Variants in ZHX2 observed in about 807,000 individuals in gnomAD.
ZHX2 encodes zinc fingers and homeoboxes 2, also known as zinc fingers and homeoboxes protein 2.
A neutral mutation model predicts 21.9 loss-of-function variants in ZHX2; 6 were observed. The ratio of observed to expected loss-of-function variants is 0.27; its 90% CI spans 0.15 to 0.54. ZHX2 has a LOEUF of 0.54. Ranked by LOEUF, ZHX2 falls within the 20% of genes least tolerant of loss-of-function variation. The probability of loss-of-function intolerance (pLI) is 0.95; values close to 1 mark genes in which losing one functional copy is unlikely to be tolerated. For missense variants in ZHX2, 908 were observed against 1,090.7 expected, an observed-to-expected ratio of 0.83 and a Z score of 2.36; for synonymous variants, 434 against 437.1, an observed-to-expected ratio of 0.99 and a Z score of 0.09.
At chr8:122,913,045 G>T (rs1007947017) in intron 2 of ZHX2, among the ~76,000 whole-genome samples, 1 of 152,098 alleles carries the variant, frequency 6.6e-6, no homozygotes, top group Non-Finnish European at 1.5e-5. Flanking sequence ...CCTCCAAACT[G>T]CCCTGCCTCC....
In ZHX2 at chr8:122,952,811, C is replaced by A. The variant is rs376976315; in HGVS notation, c.1301C>A (p.Ala434Asp). The part of the protein sequence containing the change: ...AQVPEPPPKV[A>D]NPPLTPASDR... ...GTGCCAGAGCCCCCACCCAAGGTGG[C>A]CAACCCCCCGCTCACACCAGCCAGT... The change falls in exon 3 of 4, where the codon GCC becomes GAC. Residue 434 changes from alanine (A) to aspartate (D), a missense_variant. By Grantham distance (126) the Ala-to-Asp change is moderately radical. Transcript: ENST00000314393. This position sits in a 1 kb window ranked among gnomAD's most constrained non-coding sequence, Gnocchi z 6.9. The A allele has an allele frequency of 3.7e-6, 6 of 1,613,968 alleles. No homozygotes were observed. Among genetic ancestry groups the A allele is most frequent in the Non-Finnish European group, 5.1e-6 (6 of 1,180,034 alleles).
rs1020391329 is a variant in ZHX2, at chr8:122,973,923, T to C, written c.*686T>C. On this transcript the variant is annotated 3_prime_UTR_variant, in exon 4 of 4. Transcript: ENST00000314393. Reference sequence around the variant, plus strand: ...TGCCTTAGCCCCACACAAGGCTTTCTGAACTGCCAAGAGGGGATCTGGCTT... The same window carrying C: ...TGCCTTAGCCCCACACAAGGCTTTCCGAACTGCCAAGAGGGGATCTGGCTT... 10 of 152,588 alleles carry C rather than the reference T, an allele frequency of 6.6e-5. No individual in the cohort carries two copies. Among genetic ancestry groups the C allele is most frequent in the African/African-American group, 2.4e-4 (10 of 41,430 alleles). 9.5% of individuals were successfully genotyped at this position (152,588 alleles called of 1,614,324 possible).
chr8:122,897,491 T>G lies in ZHX2; in HGVS notation c.-220+33952T>G, dbSNP rs542126851. On this transcript the variant is annotated intron_variant, in intron 2 of 3. Transcript: ENST00000314393. ...CTGGAGAACATTGTGTCCCACTGTT[T>G]GGTTTTGGATTTATCCCTTGCAGAC... 2.8e-4 allele frequency among the ~76,000 whole-genome samples: 42 copies of G among 152,324 alleles called. No homozygotes were observed. The South Asian group carries it at 7.9e-3, about 29-fold the overall frequency.
intron 2 of ZHX2, among the ~76,000 whole-genome samples, chr8:122,903,954 G>T (rs114378612): frequency 1.2e-3 from 180 of 152,136 alleles, no homozygotes; most frequent in African/African-American, 4.3e-3. Context: ...AAAAACCTTG[G>T]GCATTATTTA....
chr8:122,871,125 G>T (rs1272666767), intron 2 of ZHX2, among the ~76,000 whole-genome samples: 1 of 152,166 alleles, frequency 6.6e-6, no homozygotes, highest in African/African-American at 2.4e-5. Context: ...AGTGCTAGCT[G>T]TGTAACCTTG....
At chr8:122,804,197 C>T (rs1204659563) in intron 1 of ZHX2, among the ~76,000 whole-genome samples, 1 of 152,180 alleles carries the variant, frequency 6.6e-6, no homozygotes, top group East Asian at 1.9e-4. Flanking sequence ...CAACCTCCGC[C>T]TCCTGGGTTC....
chr8:122,883,010 A>G (rs1819751707), intron 2 of ZHX2, among the ~76,000 whole-genome samples: 1 of 151,850 alleles, frequency 6.6e-6, no homozygotes, highest in South Asian at 2.1e-4. Flanking sequence ...ACAAAAAATC[A>G]CATCACTCCC....
At chr8:122,924,573 T>G (rs1325329511) in intron 2 of ZHX2, among the ~76,000 whole-genome samples, 1 of 151,988 alleles carries the variant, frequency 6.6e-6, no homozygotes, top group African/African-American at 2.4e-5. Flanking sequence ...CCTCGCACAA[T>G]CTCACTTCCA....
rs555461804 is a variant in ZHX2 at position 122,957,192 on chromosome 8, A to C, written c.*4+3164A>C. Among the ~76,000 whole-genome samples, 60 of 151,958 alleles carry C rather than the reference A, an allele frequency of 3.9e-4. 1 individual carries two copies. Among genetic ancestry groups the C allele is most frequent in the African/African-American group, 1.4e-3 (58 of 41,420 alleles). ...CCAGCCAACACATGAGTTTGTCTCC[A>C]GAGTCCTCACTCTTCCTCCTGCCAT... is the stretch of plus-strand genomic sequence containing the variant. On this transcript the variant is annotated intron_variant, in intron 3 of 3. Coordinates refer to ENST00000314393, the MANE Select transcript of ZHX2 (RefSeq NM_014943.5).
At chr8:122,894,325 G>A (rs921594098) in intron 2 of ZHX2, among the ~76,000 whole-genome samples, 1 of 152,300 alleles carries the variant, frequency 6.6e-6, no homozygotes, top group Middle Eastern at 3.4e-3. Context: ...AGGTCACTCT[G>A]TATGAAACCA....
At position 122,951,889 on chromosome 8, in the gene ZHX2, G is replaced by A. The variant is rs758713483; in HGVS notation, c.379G>A (p.Asp127Asn). 2.8e-5 allele frequency: 45 copies of A among 1,613,788 alleles called. No homozygotes were observed. The highest frequency in any genetic ancestry group is 5.0e-5 in the Admixed American group (3 of 59,970). ...AACCAAAAAGTACGACTCCCTATCCGACCACAACTCCAAGTTCCATCCCGG... is the reference window on the plus strand; with the variant it reads ...AACCAAAAAGTACGACTCCCTATCCAACCACAACTCCAAGTTCCATCCCGG... ...FTTKKYDSLS[D>N]HNSKFHPGEA... The change falls in exon 3 of 4, where the codon GAC becomes AAC. Residue 127 changes from aspartate to asparagine, a missense_variant. Transcript: ENST00000314393.
At position 122,782,643 on chromosome 8, in the gene ZHX2, G is replaced by T. The variant is rs1294775883; in HGVS notation, c.-283+697G>T. On this transcript the variant is annotated intron_variant, in intron 1 of 3. Coordinates refer to ENST00000314393, the MANE Select transcript of ZHX2 (RefSeq NM_014943.5). The surrounding 1 kb of genome is among the most constrained non-coding windows in gnomAD (Gnocchi z 5.3). Reference sequence around the variant, plus strand: ...GCTGCAGGCAGCGGGCGCGCAGCGCGGGCGGCAGCCGAGCTACCTGGCGGG... The same window carrying T: ...GCTGCAGGCAGCGGGCGCGCAGCGCTGGCGGCAGCCGAGCTACCTGGCGGG... Among the ~76,000 whole-genome samples, 1 of 152,138 alleles carries T rather than the reference G, an allele frequency of 6.6e-6. No homozygotes were observed. The highest frequency in any genetic ancestry group is 1.5e-5 in the Non-Finnish European group (1 of 67,996).
In ZHX2 at chr8:122,828,107, G is replaced by C. The variant is rs941892034; in HGVS notation, c.-282-35370G>C. On this transcript the variant is annotated intron_variant, in intron 1 of 3. Transcript: ENST00000314393. This position sits in a 1 kb window ranked among gnomAD's most constrained non-coding sequence, Gnocchi z 5.2. ...CCAGCCTGGGCGACAGTGAGACCCT[G>C]TCTCTAAATAAATAAATAAAAGAGA... Among the ~76,000 whole-genome samples, 7 of 152,118 alleles carry C rather than the reference G, an allele frequency of 4.6e-5. No individual in the cohort carries two copies. The highest frequency in any genetic ancestry group is 2.0e-4 in the Admixed American group (3 of 15,272).
At chr8:122,804,635 T>C (rs752988232) in intron 1 of ZHX2, among the ~76,000 whole-genome samples, 2 of 152,186 alleles carry the variant, frequency 1.3e-5, no homozygotes, top group Non-Finnish European at 2.9e-5. Context: ...GAATAAGCAG[T>C]GCCTGAAAAG....
intron 2 of ZHX2, among the ~76,000 whole-genome samples, chr8:122,907,675 C>T (rs1390730036): frequency 1.3e-5 from 2 of 152,222 alleles, no homozygotes; most frequent in Non-Finnish European, 2.9e-5. Context: ...CTGCCCTAGC[C>T]TCTGTTTGAA....
Position 122,952,154 on chromosome 8 carries a change from C to T in ZHX2, c.644C>T (p.Thr215Ile). ...ACCCCCGAGAACCACGTGGAAGGGA[C>T]CGCCCGCCTGGTGACAGACACAGCT... is the stretch of plus-strand genomic sequence containing the variant. ...EITPENHVEGTARLVTDTAEI... is the reference protein window; with the variant it reads ...EITPENHVEGIARLVTDTAEI... The change falls in exon 3 of 4, where the codon ACC (threonine) becomes ATC (isoleucine). Residue 215 changes from threonine (T) to isoleucine (I), a missense_variant. Thr to Ile is a moderately conservative substitution (Grantham distance 89, BLOSUM62 -1). Coordinates refer to ENST00000314393, the MANE Select transcript of ZHX2 (RefSeq NM_014943.5). This position sits in a 1 kb window ranked among gnomAD's most constrained non-coding sequence, Gnocchi z 6.9. 5 of 1,613,574 alleles carry T rather than the reference C, an allele frequency of 3.1e-6. No homozygotes were observed. The highest frequency in any genetic ancestry group is 4.2e-6 in the Non-Finnish European group (5 of 1,179,902).
chr8:122,846,588 TTCCTC>T (rs1270286179), intron 1 of ZHX2, among the ~76,000 whole-genome samples: 1 of 151,796 alleles, frequency 6.6e-6, no homozygotes, highest in Non-Finnish European at 1.5e-5. Flanking sequence ...CATGGGATCT[TTCCTC>T]TGCTCATGTT....
chr8:122,833,924 G>A (rs1302794670), intron 1 of ZHX2, among the ~76,000 whole-genome samples: 1 of 152,006 alleles, frequency 6.6e-6, no homozygotes, highest in African/African-American at 2.4e-5. Flanking sequence ...GTGAACCCGG[G>A]AGGCGGAGCT....
intron 1 of ZHX2, among the ~76,000 whole-genome samples, chr8:122,791,865 A>AT (rs1435109328): frequency 7.9e-6 from 1 of 126,570 alleles, no homozygotes; most frequent in Non-Finnish European, 1.7e-5. Flanking sequence ...ACTCCATCTC[A>AT]TAAAAAAAAA....
Sources: gnomAD v4.1 joint callset for allele counts (sites outside exome capture counted in the v4.1 genomes callset) on GRCh38, gnomAD v4.1.1 for gene constraint, Gnocchi (gnomAD v3.1) non-coding constraint, MANE v1.5 for transcripts, NCBI Gene and HGNC (gene_info 2026-07-23, HGNC 2026-07-21) for gene names.